Variants in BIRC6 observed in about 807,000 individuals in gnomAD.
The protein encoded by BIRC6 is dual E2 ubiquitin-conjugating enzyme/E3 ubiquitin-protein ligase BIRC6.
A neutral mutation model predicts 503.3 loss-of-function variants in BIRC6; 98 were observed. The observed-to-expected ratio is 0.19, with a 90% CI of 0.17 to 0.23. The LOEUF is 0.23. BIRC6 is among the 10% of genes least tolerant of loss of function. BIRC6 has a pLI of 1.00. For missense variants in BIRC6, 5,360 were observed against 5,806.0 expected (o/e 0.92, Z 2.50); for synonymous variants, 2,240 against 2,078.7 (o/e 1.08, Z -2.11).
In BIRC6 at chr2:32,549,376, G is replaced by A. The variant is rs773507884; in HGVS notation, c.13039G>A (p.Glu4347Lys). The A allele has an allele frequency of 4.0e-6, 6 of 1,509,006 alleles. No homozygotes were observed. The highest frequency in any genetic ancestry group is 5.4e-6 in the Non-Finnish European group (6 of 1,107,886). 93.5% of individuals were successfully genotyped at this position (1,509,006 alleles called of 1,614,324 possible). The change falls in exon 65 of 74, where the codon GAG becomes AAG. Residue 4347 changes from glutamate to lysine, a missense_variant. Physicochemically the swap from Glu to Lys is moderately conservative, Grantham distance 56. This residue lies in a region of BIRC6 where 477 missense variants were observed against 574.4 expected (regional missense o/e 0.83). Coordinates refer to ENST00000421745, the MANE Select transcript of BIRC6 (RefSeq NM_016252.4). Reference protein sequence around the residue: ...AVNGEAQSSHETRGQNSNALP... With the variant: ...AVNGEAQSSHKTRGQNSNALP... ...AAATGGAGAAGCTCAGTCATCTCAT[G>A]AGACTAGAGGGCAGAACAGTAATGC...
chr2:32,572,659 AT>A (rs2150985243), intron 65 of BIRC6, among the ~76,000 whole-genome samples: 1 of 152,326 alleles, frequency 6.6e-6, no homozygotes, highest in Non-Finnish European at 1.5e-5. Flanking sequence ...TTATAATACT[AT>A]AAAATTATAG....
intron 16 of BIRC6, 142 bp downstream of exon 16, chr2:32,439,828 TTAAATA>T: frequency 7.8e-6 from 5 of 640,420 alleles, no homozygotes; most frequent in Non-Finnish European, 1.2e-5. Context: ...TTGGAGTGAC[TTAAATA>T]TATTTGGGAA....
chr2:32,597,718 A>G lies in BIRC6; in HGVS notation c.13613-33A>G, dbSNP rs1381994692. On this transcript the variant is annotated intron_variant, in intron 68 of 73. Coordinates refer to ENST00000421745, the MANE Select transcript of BIRC6 (RefSeq NM_016252.4). The stretch of plus-strand genomic sequence containing the variant: ...TTTTGTCATTATAACAATTTTTTGC[A>G]GTTCTGGGTTTTATTTTTTCTTCTC... The G allele has an allele frequency of 2.0e-6, 3 of 1,504,444 alleles. No homozygotes were observed. The Admixed American group carries it at 5.3e-5, about 27-fold the overall frequency. 93.2% of individuals were successfully genotyped at this position (1,504,444 alleles called of 1,614,324 possible).
Position 32,503,189 on chromosome 2 carries a change from C to G in BIRC6, c.9452C>G (p.Ala3151Gly). 1 of 1,612,908 alleles carries G rather than the reference C, an allele frequency of 6.2e-7. No individual in the cohort carries two copies. Among genetic ancestry groups the G allele is most frequent in the Non-Finnish European group, 8.5e-7 (1 of 1,179,542 alleles). The change falls in exon 49 of 74, where the codon GCT (alanine) becomes GGT (glycine). Residue 3151 changes from alanine (A) to glycine (G), a missense_variant. Physicochemically the swap from Ala to Gly is moderately conservative, Grantham distance 60 (BLOSUM62 0). Coordinates refer to ENST00000421745, the MANE Select transcript of BIRC6 (RefSeq NM_016252.4). Reference protein sequence around the residue: ...VDSTLKTRILASEPDNAEGIH... With the variant: ...VDSTLKTRILGSEPDNAEGIH... ...AGCACATTGAAAACAAGAATACTAG[C>G]TTCTGAGCCTGACAATGCTGAAGGG...
intron 21 of BIRC6, among the ~76,000 whole-genome samples, chr2:32,446,679 C>T (rs1278650247): frequency 7.4e-6 from 1 of 135,842 alleles, no homozygotes. Context: ...TTGCAGGGAA[C>T]ATAGTTGAGA....
At chr2:32,389,653 C>T (rs192757821) in intron 4 of BIRC6, among the ~76,000 whole-genome samples, 84 of 152,228 alleles carry the variant, frequency 5.5e-4, no homozygotes, top group African/African-American at 1.6e-3. Flanking sequence ...AAATATAATA[C>T]GCAGCAATTT....
At chr2:32,369,948 ATATATATATAT>A (rs1558541200) in intron 1 of BIRC6, among the ~76,000 whole-genome samples, 2 of 23,822 alleles carry the variant, frequency 8.4e-5, no homozygotes, top group African/African-American at 3.8e-4. Context: ...AAAAAAAAAT[ATATATATATAT>A]ATATATATAT....
At position 32,509,991 on chromosome 2, in the gene BIRC6, A is replaced by G. The variant is rs770161842; in HGVS notation, c.10234A>G (p.Thr3412Ala). 1 of 1,613,078 alleles carries G rather than the reference A, an allele frequency of 6.2e-7. No individual in the cohort carries two copies. Among genetic ancestry groups the G allele is most frequent in the Non-Finnish European group, 8.5e-7 (1 of 1,179,636 alleles). Residue 3412 changes from threonine (T) to alanine (A), a missense_variant, in exon 52 of 74, where the codon ACA (threonine) becomes GCA (alanine). By Grantham distance (58) the Thr-to-Ala change is moderately conservative. Coordinates refer to ENST00000421745, the MANE Select transcript of BIRC6 (RefSeq NM_016252.4). ...RNCAASGSDPTDLNSPLLFGR... is the reference protein window; with the variant it reads ...RNCAASGSDPADLNSPLLFGR... ...TTGTGCAGCATCAGGCAGTGATCCT[A>G]CAGGTGATAATTAACTTTGATATTT...
chr2:32,573,677 C>G (rs1256370011), intron 65 of BIRC6, among the ~76,000 whole-genome samples: 1 of 152,104 alleles, frequency 6.6e-6, no homozygotes, highest in African/African-American at 2.4e-5. Context: ...CTCTTAGATA[C>G]AAATAATTTT....
intron 54 of BIRC6, among the ~76,000 whole-genome samples, chr2:32,513,737 C>T (rs773860407): frequency 6.6e-6 from 1 of 152,254 alleles, no homozygotes; most frequent in Non-Finnish European, 1.5e-5. Flanking sequence ...GGTGAAACCC[C>T]GTCTCTACTA....
At chr2:32,446,745 T>G (rs1274414778) in intron 21 of BIRC6, among the ~76,000 whole-genome samples, 8 of 126,300 alleles carry the variant, frequency 6.3e-5, no homozygotes, top group African/African-American at 1.5e-4. Context: ...GCTGTTTTTT[T>G]TTTTTTTTTT....
At chr2:32,592,809 G>A (rs1158015001) in intron 66 of BIRC6, among the ~76,000 whole-genome samples, 1 of 151,734 alleles carries the variant, frequency 6.6e-6, no homozygotes, top group African/African-American at 2.4e-5. Flanking sequence ...TGTTCAGGGT[G>A]GTCTCGAACT....
rs559816304 is a variant in BIRC6, at chr2:32,405,203, C to T, written c.1419-1296C>T. ...TTGGACTTCTTCATTCTTGATAATT[C>T]CCAATTATTAATATTTCTTCTTGGG... On this transcript the variant is annotated intron_variant, in intron 8 of 73. Transcript: ENST00000421745. Among the ~76,000 whole-genome samples, 12 of 152,208 alleles carry T rather than the reference C, an allele frequency of 7.9e-5. No individual in the cohort carries two copies. In the South Asian group the frequency reaches 2.1e-3, roughly 26 times the overall value.
intron 6 of BIRC6, among the ~76,000 whole-genome samples, chr2:32,400,528 G>A (rs1336320425): frequency 2.0e-5 from 3 of 151,662 alleles, no homozygotes; most frequent in South Asian, 2.1e-4. Flanking sequence ...TAGTAGAGAC[G>A]GGGTTTCACC....
intron 66 of BIRC6, among the ~76,000 whole-genome samples, chr2:32,583,326 G>A (rs1243816281): frequency 6.6e-6 from 1 of 152,050 alleles, no homozygotes; most frequent in East Asian, 1.9e-4. Flanking sequence ...TTTGGTTCAG[G>A]GCTCTGTGTT....
intron 71 of BIRC6, among the ~76,000 whole-genome samples, chr2:32,603,358 C>G (rs539323693): frequency 1.3e-5 from 2 of 152,100 alleles, no homozygotes; most frequent in Non-Finnish European, 2.9e-5. Flanking sequence ...CCCACCGTTA[C>G]CTGTGTTTCT....
intron 23 of BIRC6, among the ~76,000 whole-genome samples, chr2:32,455,128 C>T (rs2047100045): frequency 6.6e-6 from 1 of 151,924 alleles, no homozygotes; most frequent in Middle Eastern, 3.2e-3. Context: ...CCTGTAATCC[C>T]AGCACTTTGG....
At chr2:32,469,657 T>G (rs760890882) in intron 30 of BIRC6, 43 bp downstream of exon 30, 24 of 1,477,820 alleles carry the variant, frequency 1.6e-5, no homozygotes, top group Admixed American at 3.9e-5. Flanking sequence ...TAATGATGTG[T>G]ACTTTTCACA....
At chr2:32,518,791 GA>G (rs1209491014) in intron 56 of BIRC6, 25 bp from the exon 57 acceptor site, 1 of 1,605,208 alleles carries the variant, frequency 6.2e-7, no homozygotes, top group Admixed American at 1.7e-5. Flanking sequence ...GTTACTTCCT[GA>G]TTTCTTTGAT....
Sources: allele counts gnomAD v4.1 joint callset (sites outside exome capture counted in the v4.1 genomes callset), GRCh38; gene constraint gnomAD v4.1.1; regional missense constraint gnomAD v4.1.1; transcripts MANE v1.5; gene names NCBI Gene and HGNC (gene_info 2026-07-23, HGNC 2026-07-21).